CFAP74: variants seen among roughly 807,000 people sequenced by gnomAD.
The protein encoded by CFAP74 is cilia and flagella associated protein 74.
CFAP74 carries 124 observed loss-of-function variants against 188.9 expected under a neutral mutation model. The ratio of observed to expected loss-of-function variants is 0.66; its 90% CI spans 0.57 to 0.76. The LOEUF (loss-of-function observed/expected upper bound fraction) is 0.76. Among genes scored for constraint, CFAP74 ranks in the 30% least tolerant of loss-of-function variants. The pLI is 0.00. For synonymous variants in CFAP74, 956 were observed against 916.7 expected (o/e 1.04, Z -0.77); for missense variants, 2,198 against 2,165.2 (o/e 1.02, Z -0.30).
At chr1:1,966,060 C>G (rs1655443399) in intron 12 of CFAP74, among the ~76,000 whole-genome samples, 2 of 152,242 alleles carry the variant, frequency 1.3e-5, no homozygotes, top group Admixed American at 1.3e-4. Flanking sequence ...GAGTCATTCC[C>G]TCAGCCTTTC....
chr1:1,965,687 C>T (rs1390171652), intron 12 of CFAP74, among the ~76,000 whole-genome samples: 2 of 152,198 alleles, frequency 1.3e-5, no homozygotes, highest in Non-Finnish European at 2.9e-5. Context: ...CTCCTCTTGT[C>T]CAGAGGCAGC....
intron 3 of CFAP74, 36 bp from the exon 4 acceptor site, chr1:1,988,691 A>T (rs754010318): frequency 6.9e-6 from 11 of 1,600,036 alleles, no homozygotes; most frequent in African/African-American, 2.7e-5. Context: ...CCACCACCCC[A>T]GCTGCAGGCT....
At chr1:2,002,749 G>A (rs1658268031) in intron 1 of CFAP74, among the ~76,000 whole-genome samples, 2 of 149,728 alleles carry the variant, frequency 1.3e-5, no homozygotes, top group South Asian at 2.1e-4. Flanking sequence ...AAAACTATAT[G>A]TGGCATTATA....
chr1:1,941,535 G>A (rs536527954), intron 22 of CFAP74, among the ~76,000 whole-genome samples: 3 of 152,342 alleles, frequency 2.0e-5, no homozygotes, highest in East Asian at 1.9e-4. Context: ...CAAGACACAG[G>A]TAAAGGAGCA....
intron 19 of CFAP74, 94 bp downstream of exon 19, chr1:1,946,896 G>T: frequency 2.0e-6 from 2 of 987,732 alleles, no homozygotes; most frequent in Non-Finnish European, 3.1e-6. Flanking sequence ...CCACCTAGCA[G>T]TGAGGGCCAG....
intron 23 of CFAP74, 136 bp downstream of exon 23, chr1:1,940,180 C>T (rs900799403): frequency 3.4e-5 from 24 of 705,248 alleles, no homozygotes; most frequent in East Asian, 1.4e-4. Flanking sequence ...CCCCTCTGGC[C>T]GCTAGACGCC....
chr1:1,955,688 C>T lies in CFAP74; in HGVS notation c.2176+3G>A, dbSNP rs1445642167. On this transcript the variant is annotated splice_donor_region_variant and intron_variant, in intron 18 of 38. Transcript: ENST00000682832. The stretch of plus-strand genomic sequence containing the variant: ...CCTGGCTTGGCCTGGCAGCCTGGCT[C>T]ACCTGCGGGCTGCTCCTCCTCCTGC... 6.2e-6 allele frequency: 10 copies of T among 1,613,720 alleles called. No homozygotes were observed. The highest frequency in any genetic ancestry group is 2.7e-5 in the African/African-American group (2 of 74,912).
chr1:1,923,133 G>A lies in CFAP74; in HGVS notation c.4535C>T (p.Pro1512Leu). Residue 1512 changes from proline to leucine, a missense_variant, in exon 37 of 39, where the codon CCA (proline) becomes CTA (leucine). Coordinates refer to ENST00000682832, the MANE Select transcript of CFAP74 (RefSeq NM_001304360.2). The surrounding 1 kb of genome is among the most constrained non-coding windows in gnomAD (Gnocchi z 6.3). ...CTCAGCTTCTGGAGAGAGAGGGCCTGGCCGGGAGCTGGCTGGAGGGGTGTG... is the reference window on the plus strand; with the variant it reads ...CTCAGCTTCTGGAGAGAGAGGGCCTAGCCGGGAGCTGGCTGGAGGGGTGTG... ...DPRHREASSR[P>L]GPLSPEAEEL... The A allele has an allele frequency of 6.2e-7, 1 of 1,608,958 alleles. No individual in the cohort carries two copies. Among genetic ancestry groups the A allele is most frequent in the African/African-American group, 1.3e-5 (1 of 74,784 alleles).
chr1:1,942,920 G>C lies in CFAP74; in HGVS notation c.2487-764C>G, dbSNP rs1367993530. On this transcript the variant is annotated intron_variant, in intron 21 of 38. Transcript: ENST00000682832. This position sits in a 1 kb window ranked among gnomAD's most constrained non-coding sequence, Gnocchi z 4.3. ...TCCATGCGACAGTCACCCATGCTGTGGCAGCCTCATCTCCGTCCATCACAG... is the reference window on the plus strand; with the variant it reads ...TCCATGCGACAGTCACCCATGCTGTCGCAGCCTCATCTCCGTCCATCACAG... Among the ~76,000 whole-genome samples the C allele has an allele frequency of 1.3e-5, 2 of 152,144 alleles. No individual in the cohort carries two copies. The highest frequency in any genetic ancestry group is 4.8e-5 in the African/African-American group (2 of 41,424).
At chr1:1,981,381 C>T (rs1180076247) in intron 6 of CFAP74, among the ~76,000 whole-genome samples, 6 of 151,986 alleles carry the variant, frequency 3.9e-5, no homozygotes, top group South Asian at 4.1e-4. Flanking sequence ...CGGGGACCCT[C>T]GGGGGCTGGC....
In CFAP74 at chr1:1,974,218, C is replaced by G. The variant is rs753659195; in HGVS notation, c.501-20G>C. On this transcript the variant is annotated intron_variant, in intron 6 of 38. Coordinates refer to ENST00000682832, the MANE Select transcript of CFAP74 (RefSeq NM_001304360.2). ...GTGTTCCTTCAAACAAGAGGCAAAGCAGCTGGAGACGGGCCCCACAGTCAT... is the reference window on the plus strand; with the variant it reads ...GTGTTCCTTCAAACAAGAGGCAAAGGAGCTGGAGACGGGCCCCACAGTCAT... 3.8e-6 allele frequency: 6 copies of G among 1,571,760 alleles called. No individual in the cohort carries two copies. The African/African-American group carries it at 8.1e-5, about 21-fold the overall frequency.
chr1:1,976,220 G>A (rs888668891), intron 6 of CFAP74, among the ~76,000 whole-genome samples: 36 of 152,196 alleles, frequency 2.4e-4, no homozygotes, highest in African/African-American at 8.2e-4. Context: ...GTTTGGACGC[G>A]TGTCCCCCGC....
chr1:1,981,734 G>A (rs1349493296), intron 6 of CFAP74, among the ~76,000 whole-genome samples: 9 of 107,164 alleles, frequency 8.4e-5, no homozygotes, highest in South Asian at 3.4e-4. Context: ...AGACACGGGG[G>A]CACGCAGGAC....
chr1:1,939,294 C>T (rs1267333506), intron 24 of CFAP74, among the ~76,000 whole-genome samples: 1 of 152,126 alleles, frequency 6.6e-6, no homozygotes, highest in East Asian at 1.9e-4. Context: ...TGAGGGGTGC[C>T]CAGGCTTGGG....
chr1:1,971,043 A>C (rs573993156), intron 9 of CFAP74, among the ~76,000 whole-genome samples: 1 of 147,852 alleles, frequency 6.8e-6, no homozygotes, highest in African/African-American at 2.5e-5. Context: ...ACCTGCACAC[A>C]CGTGCACACA....
intron 6 of CFAP74, among the ~76,000 whole-genome samples, chr1:1,983,085 G>A (rs1404208650): frequency 1.1e-4 from 17 of 152,174 alleles, no homozygotes; most frequent in Admixed American, 5.2e-4. Flanking sequence ...CTGATGGGCC[G>A]GATCATACCC....
At chr1:1,943,468 G>A (rs998190568) in intron 21 of CFAP74, among the ~76,000 whole-genome samples, 27 of 152,366 alleles carry the variant, frequency 1.8e-4, no homozygotes, top group African/African-American at 6.3e-4. Flanking sequence ...CCGGTGCCCG[G>A]GGCCTCTGTG....
intron 2 of CFAP74, among the ~76,000 whole-genome samples, chr1:1,989,664 A>AG (rs1657458723): frequency 6.6e-6 from 1 of 152,130 alleles, no homozygotes; most frequent in Non-Finnish European, 1.5e-5. Flanking sequence ...TTTCCCTATG[A>AG]TGACCAGGCT....
chr1:1,948,521 A>C (rs928290269), intron 18 of CFAP74, among the ~76,000 whole-genome samples: 1 of 150,746 alleles, frequency 6.6e-6, no homozygotes, highest in Non-Finnish European at 1.5e-5. Flanking sequence ...TGGCCCTCTA[A>C]AGTATTGGGA....
Sources: allele counts gnomAD v4.1 joint callset (sites outside exome capture counted in the v4.1 genomes callset), GRCh38; gene constraint gnomAD v4.1.1; non-coding constraint Gnocchi (gnomAD v3.1); transcripts MANE v1.5; gene names NCBI Gene and HGNC (gene_info 2026-07-23, HGNC 2026-07-21).